SDK1: variants seen among roughly 807,000 people sequenced by gnomAD.
SDK1 encodes the protein sidekick cell adhesion molecule 1.
A neutral mutation model predicts 245.5 loss-of-function variants in SDK1; 157 were observed. The ratio of observed to expected loss-of-function variants is 0.64; its 90% CI spans 0.56 to 0.73. SDK1 has a LOEUF of 0.73. SDK1 is among the 30% of genes least tolerant of loss of function. SDK1 has a pLI of 0.00. For synonymous variants in SDK1, 1,647 were observed against 1,278.5 expected (o/e 1.29, Z -6.15); for missense variants, 3,583 against 3,002.3 (o/e 1.19, Z -4.52).
intron 5 of SDK1, among the ~76,000 whole-genome samples, chr7:3,856,324 G>T (rs10235612): frequency 6.6e-6 from 1 of 151,652 alleles, no homozygotes; most frequent in Non-Finnish European, 1.5e-5. Context: ...TATGAAAAGA[G>T]GGTTTAAAAA....
chr7:3,858,189 C>A (rs904836999), intron 5 of SDK1, among the ~76,000 whole-genome samples: 1 of 152,176 alleles, frequency 6.6e-6, no homozygotes, highest in South Asian at 2.1e-4. Flanking sequence ...CTCCAAGATA[C>A]GTTTTTGTGT....
intron 4 of SDK1, among the ~76,000 whole-genome samples, chr7:3,793,652 G>A (rs1200200449): frequency 6.6e-6 from 1 of 152,172 alleles, no homozygotes; most frequent in Non-Finnish European, 1.5e-5. Context: ...GCTACAAACT[G>A]TATCTTTCTA....
At chr7:3,919,166 G>A (rs938576834) in intron 5 of SDK1, among the ~76,000 whole-genome samples, 2 of 152,146 alleles carry the variant, frequency 1.3e-5, no homozygotes, top group Non-Finnish European at 1.5e-5. Context: ...CCCCCTGCCT[G>A]ATGTTACAAA....
intron 4 of SDK1, among the ~76,000 whole-genome samples, chr7:3,777,788 A>G (rs1044820380): frequency 5.9e-5 from 9 of 152,216 alleles, no homozygotes; most frequent in Non-Finnish European, 1.2e-4. Flanking sequence ...GCACATGTAT[A>G]TATTACTTTG....
rs569350197 is a variant in SDK1 at position 4,251,399 on chromosome 7, C to G, written c.6381+5594C>G. ...CCAGATTCACGCTTCTAAGAGTCTT[C>G]TCCTATAGAGGCACACAGAACACAC... On this transcript the variant is annotated intron_variant, in intron 44 of 44. Coordinates refer to ENST00000404826, the MANE Select transcript of SDK1 (RefSeq NM_152744.4). Among the ~76,000 whole-genome samples the G allele has an allele frequency of 2.6e-4, 39 of 152,322 alleles. No individual in the cohort carries two copies. The Middle Eastern group carries it at 0.01, about 40-fold the overall frequency.
intron 24 of SDK1, 63 bp from the exon 25 acceptor site, chr7:4,113,974 T>TA (rs1783524714): frequency 3.5e-6 from 5 of 1,431,298 alleles, no homozygotes; most frequent in Non-Finnish European, 4.9e-6. Flanking sequence ...GCCCATCCCT[T>TA]ACAACCCGTG....
chr7:3,533,806 T>C (rs528914917), intron 1 of SDK1, among the ~76,000 whole-genome samples: 2 of 152,146 alleles, frequency 1.3e-5, no homozygotes, highest in African/African-American at 4.8e-5. Flanking sequence ...TGTTTCACGA[T>C]AATTTTTTCT....
chr7:3,846,265 A>G (rs1263143385), intron 5 of SDK1, among the ~76,000 whole-genome samples: 2 of 152,228 alleles, frequency 1.3e-5, no homozygotes, highest in Non-Finnish European at 2.9e-5. Context: ...CAGTTAATAT[A>G]CTGTTTAAAG....
At chr7:3,797,616 T>C (rs959093598) in intron 4 of SDK1, among the ~76,000 whole-genome samples, 4 of 152,190 alleles carry the variant, frequency 2.6e-5, no homozygotes, top group African/African-American at 7.2e-5. Flanking sequence ...ATTTATTCTT[T>C]TAAATATGTA....
Position 3,987,294 on chromosome 7 carries a change from T to G in SDK1, c.2103T>G (p.Leu701=). ...VRPFDGNSPI[L]YYIVELSENN... ...CCTTTGATGGAAACAGTCCTATTCT[T>G]TATTACATCGTGGAGCTCTCTGAAA... Residue 701 remains leucine, a synonymous_variant, in exon 14 of 45, where the codon CTT becomes CTG. Transcript: ENST00000404826. 1 of 1,614,104 alleles carries G rather than the reference T, an allele frequency of 6.2e-7. No homozygotes were observed. The highest frequency in any genetic ancestry group is 8.5e-7 in the Non-Finnish European group (1 of 1,179,954).
intron 1 of SDK1, among the ~76,000 whole-genome samples, chr7:3,495,240 A>G (rs563830282): frequency 1.3e-5 from 2 of 149,642 alleles, no homozygotes; most frequent in East Asian, 3.9e-4. Context: ...TGAGCTGGAA[A>G]GCATAATGGT....
At chr7:4,099,763 G>A (rs574184248) in intron 22 of SDK1, among the ~76,000 whole-genome samples, 2 of 147,446 alleles carry the variant, frequency 1.4e-5, no homozygotes, top group Non-Finnish European at 3.0e-5. Context: ...GTGTGTGAGC[G>A]GGATGTGATG....
At chr7:3,729,564 C>T (rs559650114) in intron 4 of SDK1, among the ~76,000 whole-genome samples, 57 of 152,296 alleles carry the variant, frequency 3.7e-4, no homozygotes, top group Non-Finnish European at 6.5e-4. Context: ...GCCAACAGTG[C>T]TAGATATGGG....
intron 22 of SDK1, among the ~76,000 whole-genome samples, chr7:4,108,570 G>A (rs956793457): frequency 7.2e-5 from 11 of 152,102 alleles, no homozygotes; most frequent in Admixed American, 3.9e-4. Flanking sequence ...TGGTTTTGCC[G>A]ACTTCCGGGG....
At chr7:3,661,956 G>C (rs964712271) in intron 4 of SDK1, among the ~76,000 whole-genome samples, 1 of 151,484 alleles carries the variant, frequency 6.6e-6, no homozygotes, top group Admixed American at 6.6e-5. Context: ...TAGTAAGACC[G>C]TTATTACCAT....
At chr7:3,694,187 G>A (rs908133702) in intron 4 of SDK1, among the ~76,000 whole-genome samples, 1 of 152,156 alleles carries the variant, frequency 6.6e-6, no homozygotes, top group South Asian at 2.1e-4. Flanking sequence ...CTCCAAACTC[G>A]TATAGGAATA....
intron 4 of SDK1, among the ~76,000 whole-genome samples, chr7:3,767,958 C>G (rs1456032792): frequency 6.6e-6 from 1 of 152,108 alleles, no homozygotes; most frequent in African/African-American, 2.4e-5. Flanking sequence ...CTTTACCATC[C>G]CCATTTTAAT....
intron 28 of SDK1, among the ~76,000 whole-genome samples, chr7:4,145,118 C>T (rs936827270): frequency 1.1e-4 from 16 of 152,162 alleles, no homozygotes; most frequent in African/African-American, 3.6e-4. Flanking sequence ...CTGGGCAGCA[C>T]AGGGGGATTC....
chr7:4,157,387 ATGAG>A (rs1780806952), intron 30 of SDK1, among the ~76,000 whole-genome samples: 1 of 104,816 alleles, frequency 9.5e-6, no homozygotes, highest in Admixed American at 8.5e-5. Flanking sequence ...GAGAGAAGGA[ATGAG>A]GGGAGGGAGG....
Sources: allele counts gnomAD v4.1 joint callset (sites outside exome capture counted in the v4.1 genomes callset), GRCh38; gene constraint gnomAD v4.1.1; transcripts MANE v1.5; gene names NCBI Gene and HGNC (gene_info 2026-07-23, HGNC 2026-07-21).